RERE: variants seen among roughly 807,000 people sequenced by gnomAD.
RERE encodes arginine-glutamic acid dipeptide repeats, also known as arginine-glutamic acid dipeptide repeats protein.
In RERE, 40 loss-of-function variants were observed where a neutral mutation model predicts 146.1. That is an observed-to-expected ratio of 0.27 (90% CI 0.21 to 0.36). The LOEUF is 0.36. RERE is among the 10% of genes least tolerant of loss of function. RERE has a pLI of 1.00. For synonymous variants in RERE, 1,003 were observed against 866.0 expected (o/e 1.16, Z -2.78); for missense variants, 1,933 against 2,138.7 (o/e 0.90, Z 1.90).
chr1:8,801,867 T>C (rs777970825), intron 1 of RERE, among the ~76,000 whole-genome samples: 2 of 152,234 alleles, frequency 1.3e-5, no homozygotes, highest in African/African-American at 2.4e-5. Context: ...TGAGACAATT[T>C]AACTGTCCAT....
intron 1 of RERE, among the ~76,000 whole-genome samples, chr1:8,795,935 T>C (rs567912024): frequency 3.8e-4 from 55 of 145,526 alleles, no homozygotes; most frequent in African/African-American, 1.3e-3. Flanking sequence ...TGAGCCGCGA[T>C]TGCACCATTA....
intron 11 of RERE, among the ~76,000 whole-genome samples, chr1:8,462,033 T>C (rs569292162): frequency 4.6e-5 from 7 of 152,244 alleles, no homozygotes; most frequent in South Asian, 4.2e-4. Flanking sequence ...TTTAATTTTT[T>C]TGTGGAGACA....
intron 7 of RERE, 38 bp from the exon 8 acceptor site, chr1:8,508,713 C>G: frequency 6.7e-7 from 1 of 1,501,418 alleles, no homozygotes; most frequent in Middle Eastern, 1.7e-4. Context: ...TAGCGCAATA[C>G]AGTTTTGACA....
intron 4 of RERE, among the ~76,000 whole-genome samples, chr1:8,575,032 G>A (rs1646273440): frequency 6.6e-6 from 1 of 152,176 alleles, no homozygotes; most frequent in Non-Finnish European, 1.5e-5. Flanking sequence ...GTATGCACAT[G>A]AAGTATCTCT....
chr1:8,716,102 G>A (rs1639759062), intron 1 of RERE, among the ~76,000 whole-genome samples: 1 of 151,350 alleles, frequency 6.6e-6, no homozygotes, highest in African/African-American at 2.4e-5. Flanking sequence ...CAGTGATCAA[G>A]CCACTGCACT....
chr1:8,552,736 A>T (rs1645951752), intron 6 of RERE, among the ~76,000 whole-genome samples: 1 of 152,222 alleles, frequency 6.6e-6, no homozygotes, highest in Non-Finnish European at 1.5e-5. Context: ...GTTTTATGGG[A>T]GTAATGGGAC....
chr1:8,663,059 A>G (rs1055074738), intron 1 of RERE, among the ~76,000 whole-genome samples: 1 of 152,220 alleles, frequency 6.6e-6, no homozygotes, highest in Admixed American at 6.5e-5. Context: ...ATATAAAGGT[A>G]GCCAAAACAC....
At chr1:8,797,359 C>T (rs1431053440) in intron 1 of RERE, among the ~76,000 whole-genome samples, 1 of 131,772 alleles carries the variant, frequency 7.6e-6, no homozygotes, top group Admixed American at 8.3e-5. Flanking sequence ...GCCTAGGTGA[C>T]AGAGTAAGAC....
At chr1:8,756,639 T>C (rs936501521) in intron 1 of RERE, among the ~76,000 whole-genome samples, 3 of 152,232 alleles carry the variant, frequency 2.0e-5, no homozygotes, top group Non-Finnish European at 4.4e-5. Context: ...TTCTAAAATA[T>C]TAGTCTGCTT....
chr1:8,655,374 T>C (rs1226848572), intron 2 of RERE, among the ~76,000 whole-genome samples: 1 of 152,026 alleles, frequency 6.6e-6, no homozygotes, highest in Non-Finnish European at 1.5e-5. Flanking sequence ...GCCCAGCTAA[T>C]TTTTGTATTT....
chr1:8,501,024 G>A (rs1488030747), intron 8 of RERE, among the ~76,000 whole-genome samples: 1 of 93,958 alleles, frequency 1.1e-5, no homozygotes, highest in African/African-American at 5.2e-5. Flanking sequence ...CAGCCACCCC[G>A]TCCGGGAGGG....
At chr1:8,437,766 T>A (rs1644190358) in intron 11 of RERE, among the ~76,000 whole-genome samples, 1 of 152,128 alleles carries the variant, frequency 6.6e-6, no homozygotes, top group South Asian at 2.1e-4. Flanking sequence ...CTGGATACAA[T>A]GGGCTGCATG....
intron 1 of RERE, among the ~76,000 whole-genome samples, chr1:8,808,845 T>C (rs899155741): frequency 6.6e-6 from 1 of 151,880 alleles, no homozygotes; most frequent in Non-Finnish European, 1.5e-5. Flanking sequence ...TTAAACAAAG[T>C]ATTGAGGGAG....
chr1:8,696,681 G>T (rs185411353), intron 1 of RERE, among the ~76,000 whole-genome samples: 1 of 151,932 alleles, frequency 6.6e-6, no homozygotes, highest in South Asian at 2.1e-4. Flanking sequence ...AGGCTGAGGC[G>T]AGTGGATTAC....
At chr1:8,480,143 G>GC (rs1644814220) in intron 10 of RERE, among the ~76,000 whole-genome samples, 1 of 105,426 alleles carries the variant, frequency 9.5e-6, no homozygotes. Context: ...TTTTTTTTTT[G>GC]TTTTTTTTTT....
chr1:8,733,823 G>A (rs1485374812), intron 1 of RERE, among the ~76,000 whole-genome samples: 1 of 152,212 alleles, frequency 6.6e-6, no homozygotes, highest in Non-Finnish European at 1.5e-5. Flanking sequence ...TCTAAAATAT[G>A]TATGTGGCTG....
chr1:8,583,015 T>C (rs1386710787), intron 4 of RERE, among the ~76,000 whole-genome samples: 1 of 152,180 alleles, frequency 6.6e-6, no homozygotes, highest in Non-Finnish European at 1.5e-5. Context: ...GATAAAACGA[T>C]TCCTCTGTCT....
chr1:8,703,655 G>C (rs952261265), intron 1 of RERE, among the ~76,000 whole-genome samples: 2 of 152,242 alleles, frequency 1.3e-5, no homozygotes, highest in African/African-American at 4.8e-5. Flanking sequence ...AGCGTGGTCA[G>C]CTAGAAAATG....
intron 12 of RERE, among the ~76,000 whole-genome samples, chr1:8,401,495 C>A (rs1455675830): frequency 1.3e-5 from 2 of 151,956 alleles, no homozygotes; most frequent in Non-Finnish European, 2.9e-5. Flanking sequence ...TGCAGTGGCT[C>A]ATGCCTATAA....
Sources: allele counts gnomAD v4.1 joint callset (sites outside exome capture counted in the v4.1 genomes callset), GRCh38; gene constraint gnomAD v4.1.1; transcripts MANE v1.5; gene names NCBI Gene and HGNC (gene_info 2026-07-23, HGNC 2026-07-21).